Variants in ANKRD10 observed in about 807,000 individuals in gnomAD.
The protein encoded by ANKRD10 is ankyrin repeat domain-containing protein 10.
ANKRD10 carries 14 observed loss-of-function variants against 27.0 expected under a neutral mutation model. The ratio of observed to expected loss-of-function variants is 0.52; its 90% confidence interval spans 0.34 to 0.81. The LOEUF is 0.81. Ranked by LOEUF, ANKRD10 falls within the 40% of genes least tolerant of loss-of-function variation. The probability of loss-of-function intolerance (pLI) is 0.01; values close to 1 mark genes in which losing one functional copy is unlikely to be tolerated. For missense variants in ANKRD10, 493 were observed against 544.0 expected, an observed-to-expected ratio of 0.91 and a Z score of 0.93; for synonymous variants, 250 against 224.5, an observed-to-expected ratio of 1.11 and a Z score of -1.01.
chr13:110,882,558 G>A (rs1315863622), intron 5 of ANKRD10, among the ~76,000 whole-genome samples: 1 of 152,144 alleles, frequency 6.6e-6, no homozygotes, highest in East Asian at 1.9e-4. Flanking sequence ...GGAATAAAAG[G>A]TGGCCACTTC....
At chr13:110,896,494 A>G (rs2065230123) in intron 3 of ANKRD10, among the ~76,000 whole-genome samples, 1 of 152,194 alleles carries the variant, frequency 6.6e-6, no homozygotes, top group South Asian at 2.1e-4. Context: ...CCTTACCTAC[A>G]TTCATCATCT....
At chr13:110,903,312 A>G (rs183017196) in intron 3 of ANKRD10, among the ~76,000 whole-genome samples, 20 of 151,904 alleles carry the variant, frequency 1.3e-4, no homozygotes, top group African/African-American at 3.4e-4. Flanking sequence ...GTTTGGTCAC[A>G]AGTTAGATTT....
chr13:110,907,794 G>A (rs145014608), intron 2 of ANKRD10, among the ~76,000 whole-genome samples: 10 of 151,958 alleles, frequency 6.6e-5, no homozygotes, highest in African/African-American at 2.2e-4. Context: ...ACAAAATAAA[G>A]ACAAATAAAA....
intron 2 of ANKRD10, among the ~76,000 whole-genome samples, chr13:110,908,636 G>C (rs2065605066): frequency 6.6e-6 from 1 of 152,134 alleles, no homozygotes; most frequent in African/African-American, 2.4e-5. Context: ...AGAAATGAGA[G>C]AAACTGTCTA....
chr13:110,882,148 C>G (rs1408377101), intron 5 of ANKRD10, among the ~76,000 whole-genome samples: 1 of 152,186 alleles, frequency 6.6e-6, no homozygotes, highest in Non-Finnish European at 1.5e-5. Context: ...GGTGGGGACA[C>G]TTGACCCTCC....
In ANKRD10 at chr13:110,879,248, A is replaced by T. The variant is rs960137788; in HGVS notation, c.*389T>A. ...GAAAAGAGTGGAAGCAAGCTTTTTAAAATGATGCCCATGTGCAAAGAGATA... is the reference window on the plus strand; with the variant it reads ...GAAAAGAGTGGAAGCAAGCTTTTTATAATGATGCCCATGTGCAAAGAGATA... On this transcript the variant is annotated 3_prime_UTR_variant, in exon 6 of 6. Coordinates refer to ENST00000267339, the MANE Select transcript of ANKRD10 (RefSeq NM_017664.4). 7.9e-5 allele frequency: 16 copies of T among 203,118 alleles called. No homozygotes were observed. Among genetic ancestry groups the T allele is most frequent in the Non-Finnish European group, 1.4e-4 (14 of 97,828 alleles). 12.6% of individuals were successfully genotyped at this position (203,118 alleles called of 1,614,324 possible). A position where few individuals can be genotyped will look rare whatever the true frequency, so the allele number is the denominator to read the frequency against.
intron 3 of ANKRD10, chr13:110,900,505 TA>T: frequency 7.9e-7 from 1 of 1,260,616 alleles, no homozygotes; most frequent in Non-Finnish European, 1.0e-6. Context: ...AGATTAGCGT[TA>T]AAACCAATCA....
At chr13:110,910,809 G>C in intron 1 of ANKRD10, 39 bp from the exon 2 acceptor site, 4 of 1,585,868 alleles carry the variant, frequency 2.5e-6, no homozygotes, top group Non-Finnish European at 3.4e-6. Flanking sequence ...ACGCAGACAT[G>C]TCAGTACACT....
chr13:110,892,589 A>T, intron 4 of ANKRD10: 1 of 381,022 alleles, frequency 2.6e-6, no homozygotes, highest in Non-Finnish European at 3.7e-6. Context: ...TAGTACAGAA[A>T]ACATTCACCT....
intron 4 of ANKRD10, among the ~76,000 whole-genome samples, chr13:110,891,043 T>C (rs953009128): frequency 6.6e-6 from 1 of 152,222 alleles, no homozygotes; most frequent in African/African-American, 2.4e-5. Flanking sequence ...CGAACTCTTC[T>C]AGGTGCATTT....
chr13:110,895,624 T>A (rs2138848457), intron 3 of ANKRD10, among the ~76,000 whole-genome samples: 1 of 152,224 alleles, frequency 6.6e-6, no homozygotes, highest in East Asian at 1.9e-4. Context: ...TGAGGGAAGT[T>A]TAGATGCTCA....
At chr13:110,909,317 C>T (rs746916962) in intron 2 of ANKRD10, among the ~76,000 whole-genome samples, 1 of 152,014 alleles carries the variant, frequency 6.6e-6, no homozygotes, top group Non-Finnish European at 1.5e-5. Context: ...ATGACTTGCC[C>T]AAGGAATCAA....
At chr13:110,888,544 G>A (rs1032136905) in intron 4 of ANKRD10, among the ~76,000 whole-genome samples, 7 of 152,012 alleles carry the variant, frequency 4.6e-5, no homozygotes, top group African/African-American at 1.7e-4. Context: ...AAACTAGAAG[G>A]AACTAAATTA....
intron 4 of ANKRD10, among the ~76,000 whole-genome samples, chr13:110,889,202 A>AT (rs1384534810): frequency 1.3e-5 from 2 of 152,240 alleles, no homozygotes; most frequent in African/African-American, 4.8e-5. Context: ...ACTGAGTTTT[A>AT]TACAGTGGTG....
Position 110,914,780 on chromosome 13 carries a change from G to A in ANKRD10, c.155C>T (p.Ser52Phe), listed in dbSNP as rs775397892. The A allele has an allele frequency of 4.4e-6, 7 of 1,598,770 alleles. No individual in the cohort carries two copies. The highest frequency in any genetic ancestry group is 3.4e-5 in the Admixed American group (2 of 58,380). The change falls in exon 1 of 6, where the codon TCT becomes TTT. Residue 52 changes from serine to phenylalanine, a missense_variant. Coordinates refer to ENST00000267339, the MANE Select transcript of ANKRD10 (RefSeq NM_017664.4). ...LQQTPHAHLASEDSFYGWTPV... is the reference protein window; with the variant it reads ...LQQTPHAHLAFEDSFYGWTPV... ...CGTCCAGCCATAGAAGGAGTCCTCA[G>A]AGGCCAGGTGGGCGTGGGGTGTCTG...
Position 110,910,706 on chromosome 13 carries a change from G to C in ANKRD10, c.275C>G (p.Ala92Gly). 1 of 1,614,136 alleles carries C rather than the reference G, an allele frequency of 6.2e-7. No homozygotes were observed. Among genetic ancestry groups the C allele is most frequent in the Non-Finnish European group, 8.5e-7 (1 of 1,180,018 alleles). ...ATLNVSTTRY[A>G]QTPAHIAAFG... ...GGCTGCAATGTGGGCTGGCGTCTGCGCGTACCGTGTGGTGGAGACGTTGAG... is the reference window on the plus strand; with the variant it reads ...GGCTGCAATGTGGGCTGGCGTCTGCCCGTACCGTGTGGTGGAGACGTTGAG... The change falls in exon 2 of 6, where the codon GCG becomes GGG. Residue 92 changes from alanine (A) to glycine (G), a missense_variant. Coordinates refer to ENST00000267339, the MANE Select transcript of ANKRD10 (RefSeq NM_017664.4).
intron 1 of ANKRD10, among the ~76,000 whole-genome samples, chr13:110,914,329 G>A (rs1191407474): frequency 1.3e-5 from 2 of 152,172 alleles, no homozygotes; most frequent in African/African-American, 4.8e-5. Context: ...ACCCGGCTCT[G>A]CGAAATCGCT....
At chr13:110,882,204 C>T (rs142597681) in intron 5 of ANKRD10, among the ~76,000 whole-genome samples, 45 of 152,262 alleles carry the variant, frequency 3.0e-4, no homozygotes, top group African/African-American at 1.0e-3. Context: ...TAGCTGTACA[C>T]AGTTGTTCAA....
Position 110,915,003 on chromosome 13 carries a change from C to G in ANKRD10, c.-69G>C, listed in dbSNP as rs1259445762. 3 of 1,483,686 alleles carry G rather than the reference C, an allele frequency of 2.0e-6. No homozygotes were observed. Among genetic ancestry groups the G allele is most frequent in the African/African-American group, 1.4e-5 (1 of 71,262 alleles). The allele number at this position is 1,483,686 out of a possible 1,614,324, so 91.9% of individuals were successfully genotyped here. A position where few individuals can be genotyped will look rare whatever the true frequency, so the allele number is the denominator to read the frequency against. Reference sequence around the variant, plus strand: ...CGTCGGGGAGGACTCGAGAAGCCGCCGCCGCAGCACAAAGGAACGAGACTA... The same window carrying G: ...CGTCGGGGAGGACTCGAGAAGCCGCGGCCGCAGCACAAAGGAACGAGACTA... On this transcript the variant is annotated 5_prime_UTR_variant, in exon 1 of 6. Transcript: ENST00000267339.
Sources: gnomAD v4.1 joint callset for allele counts (sites outside exome capture counted in the v4.1 genomes callset) on GRCh38, gnomAD v4.1.1 for gene constraint, MANE v1.5 for transcripts, NCBI Gene and HGNC (gene_info 2026-07-23, HGNC 2026-07-21) for gene names.